DCAF8: variants seen among roughly 807,000 people sequenced by gnomAD.
The protein encoded by DCAF8 is DDB1- and CUL4-associated factor 8.
A neutral mutation model predicts 68.0 loss-of-function variants in DCAF8; 20 were observed. The ratio of observed to expected loss-of-function variants is 0.29; its 90% CI spans 0.21 to 0.43. The LOEUF is 0.43. Ranked by LOEUF, DCAF8 falls within the 20% of genes least tolerant of loss-of-function variation. The pLI is 1.00. For synonymous variants in DCAF8, 230 were observed against 276.9 expected, an observed-to-expected ratio of 0.83 and a Z score of 1.68; for missense variants, 460 against 771.0, an observed-to-expected ratio of 0.60 and a Z score of 4.78.
intron 6 of DCAF8, among the ~76,000 whole-genome samples, chr1:160,236,292 A>G (rs1311137849): frequency 6.6e-5 from 10 of 151,116 alleles, no homozygotes; most frequent in African/African-American, 1.7e-4. Flanking sequence ...ACACGTACGT[A>G]TATATATACA....
chr1:160,238,559 C>T (rs928661773), intron 5 of DCAF8, 48 bp downstream of exon 5: 1 of 1,532,964 alleles, frequency 6.5e-7, no homozygotes, highest in African/African-American at 1.4e-5. Context: ...TGGCTGAGAA[C>T]CACAGAGGAT....
At chr1:160,245,785 T>G (rs1266593118) in intron 2 of DCAF8, among the ~76,000 whole-genome samples, 2 of 152,216 alleles carry the variant, frequency 1.3e-5, no homozygotes, top group African/African-American at 4.8e-5. Flanking sequence ...ACAGTCCTTG[T>G]TTATATTCTT....
rs1656033379 is a variant in DCAF8, at chr1:160,239,838, A to T, written c.582T>A (p.Gly194=). 2 of 1,614,126 alleles carry T rather than the reference A, an allele frequency of 1.2e-6. No homozygotes were observed. The highest frequency in any genetic ancestry group is 2.7e-5 in the African/African-American group (2 of 74,942). Residue 194 remains glycine, a synonymous_variant, in exon 4 of 14, where the codon GGT becomes GGA. Transcript: ENST00000368074. The stretch of plus-strand genomic sequence containing the variant: ...GGTTAAAGTGCAGGGTATTGACACA[A>T]CCAGTATGGCCCTCAAGCCCATGCT... ...RLQHGLEGHT[G]CVNTLHFNQR...
At chr1:160,243,114 A>G (rs114590076) in intron 3 of DCAF8, among the ~76,000 whole-genome samples, 1 of 152,172 alleles carries the variant, frequency 6.6e-6, no homozygotes, top group South Asian at 2.1e-4. Flanking sequence ...GCCCAACTAT[A>G]TCCATTTAAA....
intron 2 of DCAF8, among the ~76,000 whole-genome samples, chr1:160,257,979 T>C (rs1656905127): frequency 6.6e-6 from 1 of 152,194 alleles, no homozygotes; most frequent in Non-Finnish European, 1.5e-5. Flanking sequence ...TCCTCCCACC[T>C]TGGCCTCCCA....
At chr1:160,260,344 CTT>C (rs1346763492) in intron 2 of DCAF8, among the ~76,000 whole-genome samples, 1 of 152,182 alleles carries the variant, frequency 6.6e-6, no homozygotes, top group Non-Finnish European at 1.5e-5. Flanking sequence ...AAAGACTGTA[CTT>C]TTCTCTTTAT....
intron 9 of DCAF8, 97 bp from the exon 10 acceptor site, chr1:160,224,646 C>T (rs886319245): frequency 1.0e-5 from 9 of 857,324 alleles, no homozygotes; most frequent in Non-Finnish European, 1.6e-5. Flanking sequence ...AGTAGTGCCC[C>T]CTCCAAATAC....
At chr1:160,231,490 T>C (rs1390149829) in intron 6 of DCAF8, 83 bp from the exon 7 acceptor site, 9 of 932,980 alleles carry the variant, frequency 9.6e-6, no homozygotes, top group African/African-American at 3.3e-5. Context: ...GAGAGTCACA[T>C]GGCTAATAAG....
intron 12 of DCAF8, 139 bp from the exon 13 acceptor site, chr1:160,218,579 T>G: frequency 1.3e-6 from 1 of 792,558 alleles, no homozygotes; most frequent in South Asian, 1.6e-5. Context: ...AATGATGCCC[T>G]AGGTTCAGCT....
At chr1:160,247,914 A>G (rs1209948945) in intron 2 of DCAF8, among the ~76,000 whole-genome samples, 1 of 152,216 alleles carries the variant, frequency 6.6e-6, no homozygotes, top group East Asian at 1.9e-4. Flanking sequence ...GAAAACAAAG[A>G]AAATAACCTT....
At chr1:160,259,531 A>AAAACAAAC (rs59315993) in intron 2 of DCAF8, among the ~76,000 whole-genome samples, 2,384 of 150,714 alleles carry the variant, frequency 0.016, 62 homozygotes, top group African/African-American at 0.049. Context: ...GACTCGTCAA[A>AAAACAAAC]AAACAAACAA....
intron 2 of DCAF8, among the ~76,000 whole-genome samples, chr1:160,255,455 T>A (rs1342711726): frequency 6.6e-6 from 1 of 152,080 alleles, no homozygotes; most frequent in Non-Finnish European, 1.5e-5. Context: ...TTGAAGGTTC[T>A]GAGGATACCC....
intron 2 of DCAF8, among the ~76,000 whole-genome samples, chr1:160,255,871 C>T (rs550755465): frequency 6.6e-6 from 1 of 152,108 alleles, no homozygotes; most frequent in African/African-American, 2.4e-5. Flanking sequence ...CCGCCCGTCT[C>T]AGCCTCCCAA....
intron 2 of DCAF8, among the ~76,000 whole-genome samples, chr1:160,251,973 T>C (rs1314591134): frequency 1.3e-5 from 2 of 152,192 alleles, no homozygotes; most frequent in African/African-American, 2.4e-5. Context: ...AACTGAATGT[T>C]TCTGTAACAG....
At chr1:160,235,711 T>C (rs1236329532) in intron 6 of DCAF8, among the ~76,000 whole-genome samples, 1 of 151,462 alleles carries the variant, frequency 6.6e-6, no homozygotes, top group South Asian at 2.1e-4. Context: ...CAAAAGGGAC[T>C]AAAAAGGTGT....
At chr1:160,245,171 C>T (rs147558082) in intron 2 of DCAF8, among the ~76,000 whole-genome samples, 150 of 152,322 alleles carry the variant, frequency 9.8e-4, no homozygotes, top group Non-Finnish European at 1.5e-3. Flanking sequence ...CTTTCCTTAA[C>T]AAGGAATCAG....
intron 2 of DCAF8, among the ~76,000 whole-genome samples, chr1:160,253,226 C>A (rs1384128840): frequency 6.6e-6 from 1 of 152,104 alleles, no homozygotes; most frequent in East Asian, 1.9e-4. Flanking sequence ...ATAGGCTGGG[C>A]GCAGTGACTC....
intron 2 of DCAF8, among the ~76,000 whole-genome samples, chr1:160,249,495 A>G (rs1422713086): frequency 6.6e-6 from 1 of 152,148 alleles, no homozygotes; most frequent in Non-Finnish European, 1.5e-5. Context: ...ATCCCACTTC[A>G]GCTTCAGGAA....
At chr1:160,231,184 T>C (rs958865115) in intron 7 of DCAF8, 113 bp downstream of exon 7, 3 of 750,274 alleles carry the variant, frequency 4.0e-6, no homozygotes, top group Non-Finnish European at 4.5e-6. Flanking sequence ...AAATTCAAGA[T>C]AATAGTTAAT....
Sources: gnomAD v4.1 joint callset for allele counts (sites outside exome capture counted in the v4.1 genomes callset) on GRCh38, gnomAD v4.1.1 for gene constraint, MANE v1.5 for transcripts, NCBI Gene and HGNC (gene_info 2026-07-23, HGNC 2026-07-21) for gene names.